HS3ST5: variants seen among roughly 807,000 people sequenced by gnomAD.
HS3ST5 encodes the protein heparan sulfate-glucosamine 3-sulfotransferase 5, also known as heparan sulfate glucosamine 3-O-sulfotransferase 5.
HS3ST5 carries 10 observed loss-of-function variants against 25.4 expected under a neutral mutation model. The ratio of observed to expected loss-of-function variants is 0.39; its 90% CI spans 0.24 to 0.67. The LOEUF is 0.67. Among genes scored for constraint, HS3ST5 ranks in the 30% least tolerant of loss-of-function variants. The probability of loss-of-function intolerance (pLI) is 0.44; values close to 1 mark genes in which losing one functional copy is unlikely to be tolerated. For synonymous variants in HS3ST5, 170 were observed against 162.4 expected (o/e 1.05, Z -0.36); for missense variants, 324 against 420.7 (o/e 0.77, Z 2.01).
chr6:114,121,254 A>G (rs1045668471), intron 3 of HS3ST5, among the ~76,000 whole-genome samples: 1 of 152,202 alleles, frequency 6.6e-6, no homozygotes, highest in African/African-American at 2.4e-5. Context: ...TTCAAATACA[A>G]TAGAAATCTC....
At chr6:114,126,444 C>T (rs1374133566) in intron 3 of HS3ST5, among the ~76,000 whole-genome samples, 1 of 152,170 alleles carries the variant, frequency 6.6e-6, no homozygotes, top group Non-Finnish European at 1.5e-5. Flanking sequence ...TATCTATACA[C>T]ATATGCAGAT....
At chr6:114,106,976 CA>C (rs1776024321) in intron 3 of HS3ST5, among the ~76,000 whole-genome samples, 1 of 152,050 alleles carries the variant, frequency 6.6e-6, no homozygotes, top group Non-Finnish European at 1.5e-5. Flanking sequence ...AAGCCCATCT[CA>C]GAAACTGAAC....
intron 3 of HS3ST5, among the ~76,000 whole-genome samples, chr6:114,164,752 A>T (rs1779128374): frequency 6.6e-6 from 1 of 152,230 alleles, no homozygotes; most frequent in Admixed American, 6.5e-5. Context: ...TCTTAAATTT[A>T]AATAAATATA....
At chr6:114,186,232 G>A (rs960537651) in intron 2 of HS3ST5, among the ~76,000 whole-genome samples, 4 of 151,932 alleles carry the variant, frequency 2.6e-5, no homozygotes, top group African/African-American at 9.7e-5. Context: ...TAAACTTAAC[G>A]AGAAAGACAT....
chr6:114,268,940 T>C (rs1490290564), intron 1 of HS3ST5, among the ~76,000 whole-genome samples: 2 of 152,178 alleles, frequency 1.3e-5, no homozygotes, highest in East Asian at 1.9e-4. Context: ...CCATTCCTCA[T>C]GCTAGCTCTC....
At chr6:114,082,204 G>A (rs1194574439) in intron 3 of HS3ST5, among the ~76,000 whole-genome samples, 1 of 152,014 alleles carries the variant, frequency 6.6e-6, no homozygotes, top group East Asian at 1.9e-4. Flanking sequence ...ATTCCCAAAG[G>A]CAAAAATATG....
At chr6:114,098,610 G>A (rs953111635) in intron 3 of HS3ST5, among the ~76,000 whole-genome samples, 11 of 150,464 alleles carry the variant, frequency 7.3e-5, no homozygotes, top group East Asian at 3.9e-4. Context: ...TTATATGCTT[G>A]AGCGTGAAAG....
At chr6:114,329,975 C>G (rs115117211) in intron 1 of HS3ST5, among the ~76,000 whole-genome samples, 20 of 152,124 alleles carry the variant, frequency 1.3e-4, no homozygotes, top group Non-Finnish European at 2.6e-4. Context: ...GTTTGAAATA[C>G]AGTCGGCAAA....
At chr6:114,210,059 C>T (rs924705230) in intron 2 of HS3ST5, among the ~76,000 whole-genome samples, 1 of 152,036 alleles carries the variant, frequency 6.6e-6, no homozygotes, top group African/African-American at 2.4e-5. Flanking sequence ...ATTGATATGT[C>T]ATCCAAGGCA....
At chr6:114,063,333 G>A (rs1562180583) in intron 3 of HS3ST5, among the ~76,000 whole-genome samples, 3 of 152,078 alleles carry the variant, frequency 2.0e-5, no homozygotes. Context: ...TGGCCAAGAT[G>A]GTGAAACCTC....
intron 1 of HS3ST5, among the ~76,000 whole-genome samples, chr6:114,289,631 T>C (rs1774485466): frequency 6.6e-6 from 1 of 152,120 alleles, no homozygotes; most frequent in South Asian, 2.1e-4. Flanking sequence ...ACTTGTGTTT[T>C]AGTTTGTTTC....
chr6:114,218,544 T>C (rs2114475999), intron 2 of HS3ST5, among the ~76,000 whole-genome samples: 1 of 152,292 alleles, frequency 6.6e-6, no homozygotes, highest in East Asian at 1.9e-4. Flanking sequence ...AAAAACTTAG[T>C]TGAAAGGTTA....
chr6:114,166,693 T>C (rs1779228702), intron 3 of HS3ST5, among the ~76,000 whole-genome samples: 1 of 152,196 alleles, frequency 6.6e-6, no homozygotes, highest in African/African-American at 2.4e-5. Context: ...ATGTTTCTGC[T>C]GTGTTTCCAT....
intron 2 of HS3ST5, among the ~76,000 whole-genome samples, chr6:114,201,305 TG>T (rs1781004416): frequency 6.6e-6 from 1 of 152,222 alleles, no homozygotes; most frequent in African/African-American, 2.4e-5. Context: ...GAAATCTTGC[TG>T]GGTCTATCTT....
At chr6:114,225,037 C>T (rs1302233280) in intron 2 of HS3ST5, among the ~76,000 whole-genome samples, 1 of 151,608 alleles carries the variant, frequency 6.6e-6, no homozygotes, top group African/African-American at 2.4e-5. Context: ...GCCTTTACAC[C>T]TTGAAGGGCA....
intron 3 of HS3ST5, among the ~76,000 whole-genome samples, chr6:114,065,588 T>G (rs559505720): frequency 4.4e-4 from 67 of 152,274 alleles, no homozygotes; most frequent in African/African-American, 1.6e-3. Flanking sequence ...ATGAAATGAG[T>G]TTTCTACAGG....
intron 3 of HS3ST5, among the ~76,000 whole-genome samples, chr6:114,163,288 G>C (rs189498077): frequency 4.5e-4 from 69 of 152,218 alleles, no homozygotes; most frequent in African/African-American, 1.6e-3. Flanking sequence ...GGCAGCATTA[G>C]AATAAACACA....
At chr6:114,181,577 A>G (rs1361677489) in intron 2 of HS3ST5, among the ~76,000 whole-genome samples, 1 of 152,202 alleles carries the variant, frequency 6.6e-6, no homozygotes, top group Non-Finnish European at 1.5e-5. Flanking sequence ...CCTTATCACA[A>G]AGAAAAAAAT....
At chr6:114,149,534 G>A (rs536125812) in intron 3 of HS3ST5, among the ~76,000 whole-genome samples, 89 of 152,134 alleles carry the variant, frequency 5.9e-4, no homozygotes, top group African/African-American at 2.1e-3. Flanking sequence ...TGAACAATGA[G>A]AACACATAGA....
Sources: gnomAD v4.1 joint callset for allele counts (sites outside exome capture counted in the v4.1 genomes callset) on GRCh38, gnomAD v4.1.1 for gene constraint, MANE v1.5 for transcripts, NCBI Gene and HGNC (gene_info 2026-07-23, HGNC 2026-07-21) for gene names.